Variants in RIMS2 observed in about 807,000 individuals in gnomAD.
RIMS2 encodes the protein regulating synaptic membrane exocytosis 2, also known as regulating synaptic membrane exocytosis protein 2.
In RIMS2, 59 loss-of-function variants were observed where a neutral mutation model predicts 174.4. The observed-to-expected ratio is 0.34, with a 90% confidence interval of 0.27 to 0.42. The LOEUF is 0.42. Ranked by LOEUF, RIMS2 falls within the 10% of genes least tolerant of loss-of-function variation. RIMS2 has a pLI of 1.00. For missense variants in RIMS2, 1,620 were observed against 1,666.3 expected (o/e 0.97, Z 0.48); for synonymous variants, 606 against 572.5 (o/e 1.06, Z -0.84).
chr8:103,805,416 CAG>C (rs930488920), intron 3 of RIMS2, among the ~76,000 whole-genome samples: 36 of 151,914 alleles, frequency 2.4e-4, no homozygotes, highest in African/African-American at 7.7e-4. Context: ...ATAAATAGTA[CAG>C]AGAGTCAAAA....
chr8:103,839,521 G>A (rs893795376), intron 3 of RIMS2, among the ~76,000 whole-genome samples: 8 of 151,996 alleles, frequency 5.3e-5, no homozygotes, highest in South Asian at 2.1e-4. Flanking sequence ...CATGGCCTTT[G>A]TGAGGCCTCA....
chr8:104,222,655 A>G (rs529055716), intron 19 of RIMS2, among the ~76,000 whole-genome samples: 1 of 152,320 alleles, frequency 6.6e-6, no homozygotes, highest in East Asian at 1.9e-4. Context: ...AGAATGCATC[A>G]TGTAATGTTG....
At chr8:104,024,217 A>G (rs1359266344) in intron 19 of RIMS2, among the ~76,000 whole-genome samples, 1 of 152,212 alleles carries the variant, frequency 6.6e-6, no homozygotes, top group Non-Finnish European at 1.5e-5. Flanking sequence ...CAGGTCTGCC[A>G]CTTGGCTGTG....
chr8:104,008,787 CTAAA>C (rs1445696924), intron 17 of RIMS2, among the ~76,000 whole-genome samples: 1 of 151,830 alleles, frequency 6.6e-6, no homozygotes, highest in East Asian at 1.9e-4. Context: ...TTGGCTGACT[CTAAA>C]TATTGTTGTC....
intron 17 of RIMS2, among the ~76,000 whole-genome samples, chr8:103,994,597 T>C (rs1402483739): frequency 1.3e-5 from 2 of 152,144 alleles, no homozygotes; most frequent in African/African-American, 4.8e-5. Context: ...AAGTGTAATA[T>C]GTTTTAAGGT....
At chr8:103,939,438 G>A (rs2082039229) in intron 13 of RIMS2, among the ~76,000 whole-genome samples, 1 of 152,042 alleles carries the variant, frequency 6.6e-6, no homozygotes, top group Admixed American at 6.5e-5. Context: ...CCTATACTTG[G>A]TGTCACAGCA....
chr8:104,191,147 T>C (rs903283432), intron 19 of RIMS2, among the ~76,000 whole-genome samples: 3 of 152,076 alleles, frequency 2.0e-5, no homozygotes, highest in African/African-American at 4.8e-5. Flanking sequence ...ATTTATTTTA[T>C]TGCAAGCTGT....
chr8:103,734,022 T>TTTTTTTTG (rs2097649288), intron 2 of RIMS2, among the ~76,000 whole-genome samples: 1 of 107,298 alleles, frequency 9.3e-6, no homozygotes, highest in Non-Finnish European at 2.3e-5. Context: ...TTCTTTTTTT[T>TTTTTTTTG]TTTTTTTTTT....
chr8:104,140,931 GT>G (rs879483458), intron 19 of RIMS2, among the ~76,000 whole-genome samples: 9 of 152,192 alleles, frequency 5.9e-5, no homozygotes, highest in Non-Finnish European at 1.3e-4. Context: ...AAGAGATACA[GT>G]TTTTGTAAGA....
chr8:103,712,167 C>CTT (rs760792486), intron 2 of RIMS2, among the ~76,000 whole-genome samples: 49 of 127,294 alleles, frequency 3.8e-4, no homozygotes, highest in African/African-American at 1.3e-3. Flanking sequence ...AATTTTTAAA[C>CTT]TTTTTTTTTT....
intron 1 of RIMS2, among the ~76,000 whole-genome samples, chr8:103,639,673 A>T (rs2096180519): frequency 6.6e-6 from 1 of 151,916 alleles, no homozygotes; most frequent in Non-Finnish European, 1.5e-5. Flanking sequence ...ATTTAACCAT[A>T]GTTTGTTTAT....
chr8:103,832,092 G>A (rs1008223175), intron 3 of RIMS2, among the ~76,000 whole-genome samples: 1 of 152,118 alleles, frequency 6.6e-6, no homozygotes, highest in African/African-American at 2.4e-5. Flanking sequence ...ATATAACCAT[G>A]TGTGCAAATA....
intron 19 of RIMS2, among the ~76,000 whole-genome samples, chr8:104,194,537 A>C (rs1443301325): frequency 2.0e-5 from 3 of 152,170 alleles, no homozygotes; most frequent in African/African-American, 7.2e-5. Flanking sequence ...AAAACATAAC[A>C]ATCTTGCTCT....
intron 14 of RIMS2, among the ~76,000 whole-genome samples, chr8:103,953,135 C>A (rs2154543696): frequency 6.6e-6 from 1 of 152,280 alleles, no homozygotes; most frequent in East Asian, 1.9e-4. Context: ...GATTGGTGTA[C>A]CTGAAAGTGA....
At chr8:103,603,267 G>A (rs937530047) in intron 1 of RIMS2, among the ~76,000 whole-genome samples, 17 of 151,366 alleles carry the variant, frequency 1.1e-4, no homozygotes, top group Admixed American at 3.3e-4. Context: ...TTGTTCTTGC[G>A]ATAGTTTACT....
chr8:103,562,508 C>T lies in RIMS2; in HGVS notation c.176+61446C>T, dbSNP rs2091752964. ...TCATGCTGATGCAAGAGGTGGGTTCCCATGGTCTTGGGCAGCTCCACCCCT... is the reference window on the plus strand; with the variant it reads ...TCATGCTGATGCAAGAGGTGGGTTCTCATGGTCTTGGGCAGCTCCACCCCT... On this transcript the variant is annotated intron_variant, in intron 1 of 23. Coordinates refer to ENST00000504942, the Ensembl canonical transcript of RIMS2. 2.6e-5 allele frequency among the ~76,000 whole-genome samples: 4 copies of T among 152,200 alleles called. No individual in the cohort carries two copies. The South Asian group carries it at 8.3e-4, about 31-fold the overall frequency.
rs548295395 is a variant in RIMS2, at chr8:104,063,496, T to C, written c.3334+48881T>C. 9.9e-5 allele frequency among the ~76,000 whole-genome samples: 15 copies of C among 152,272 alleles called. No individual in the cohort carries two copies. The East Asian group carries it at 2.7e-3, about 27-fold the overall frequency. On this transcript the variant is annotated intron_variant, in intron 19 of 23. Coordinates refer to ENST00000504942, the Ensembl canonical transcript of RIMS2. ...TTTTTAACCTGAGGTTGAATATTTA[T>C]ATAAAAATAGAAGAGATGGGGTAAG...
intron 19 of RIMS2, among the ~76,000 whole-genome samples, chr8:104,059,972 C>T (rs1284845997): frequency 6.6e-6 from 1 of 151,836 alleles, no homozygotes; most frequent in African/African-American, 2.4e-5. Context: ...TTCGTTTTGC[C>T]AGTATTTTAT....
chr8:103,571,569 ATTTG>A (rs2092807268), intron 1 of RIMS2, among the ~76,000 whole-genome samples: 1 of 152,080 alleles, frequency 6.6e-6, no homozygotes, highest in Non-Finnish European at 1.5e-5. Flanking sequence ...TCATATGTAT[ATTTG>A]TGTGTATATG....
Sources: gnomAD v4.1 joint callset for allele counts (sites outside exome capture counted in the v4.1 genomes callset) on GRCh38, gnomAD v4.1.1 for gene constraint, MANE v1.5 for transcripts, NCBI Gene and HGNC (gene_info 2026-07-23, HGNC 2026-07-21) for gene names.